Variants in LAMC2 observed in about 807,000 individuals in gnomAD.
The protein encoded by LAMC2 is laminin subunit gamma-2.
In LAMC2, 97 loss-of-function variants were observed where a neutral mutation model predicts 140.2. The observed-to-expected ratio is 0.69, with a 90% CI of 0.59 to 0.82. The LOEUF is 0.82. Ranked by LOEUF, LAMC2 falls within the 40% of genes least tolerant of loss-of-function variation. The pLI is 0.00. For missense variants in LAMC2, 1,402 were observed against 1,476.1 expected (o/e 0.95, Z 0.82); for synonymous variants, 513 against 540.2 (o/e 0.95, Z 0.70).
At chr1:183,215,317 T>C in intron 2 of LAMC2, 136 bp from the exon 3 acceptor site, 1 of 931,838 alleles carries the variant, frequency 1.1e-6, no homozygotes, top group Non-Finnish European at 1.7e-6. Flanking sequence ...CGATGTGAAG[T>C]GACTGTTAAA....
At chr1:183,235,341 A>G (rs928747423) in intron 15 of LAMC2, among the ~76,000 whole-genome samples, 1 of 152,188 alleles carries the variant, frequency 6.6e-6, no homozygotes, top group Admixed American at 6.5e-5. Context: ...CCGGGACTCC[A>G]GTGATTATGC....
chr1:183,201,378 C>T (rs1447044362), intron 1 of LAMC2, among the ~76,000 whole-genome samples: 3 of 152,014 alleles, frequency 2.0e-5, no homozygotes, highest in Non-Finnish European at 4.4e-5. Flanking sequence ...CACACAAATC[C>T]TTGCATGAGC....
chr1:183,238,176 G>A, intron 18 of LAMC2, 131 bp from the exon 19 acceptor site: 1 of 702,930 alleles, frequency 1.4e-6, no homozygotes, highest in South Asian at 1.6e-5. Flanking sequence ...GATTGTAGAG[G>A]GGTTTGCTAC....
chr1:183,228,580 G>A lies in LAMC2; in HGVS notation c.1675G>A (p.Gly559Arg), dbSNP rs555090268. 1.6e-5 allele frequency: 26 copies of A among 1,613,992 alleles called. No homozygotes were observed. The highest frequency in any genetic ancestry group is 4.0e-5 in the African/African-American group (3 of 74,972). The change falls in exon 11 of 23, where the codon GGG becomes AGG. Residue 559 changes from glycine to arginine, a missense_variant. Gly to Arg is a moderately radical substitution (Grantham distance 125). Around this residue, in one of 3 missense-constraint regions of LAMC2, gnomAD observed 723 missense variants for 783.3 expected, o/e 0.92. Transcript: ENST00000264144. The surrounding 1 kb of genome is among the most constrained non-coding windows in gnomAD (Gnocchi z 4.3). Reference sequence around the variant, plus strand: ...CGACCAGTGCAAAGCAGGCTACTTCGGGGACCCATTGGCTCCCAACCCAGC... The same window carrying A: ...CGACCAGTGCAAAGCAGGCTACTTCAGGGACCCATTGGCTCCCAACCCAGC... ...YCDQCKAGYFGDPLAPNPADK... is the reference protein window; with the variant it reads ...YCDQCKAGYFRDPLAPNPADK...
At position 183,236,524 on chromosome 1, in the gene LAMC2, G is replaced by A. The variant is rs1360321105; in HGVS notation, c.2521G>A (p.Ala841Thr). 1 of 1,614,058 alleles carries A rather than the reference G, an allele frequency of 6.2e-7. No individual in the cohort carries two copies. Among genetic ancestry groups the A allele is most frequent in the Middle Eastern group, 1.7e-4 (1 of 6,056 alleles). ...GGAGGCCACTCAAGCGGAAATTGAA[G>A]CAGATAGGTCTTATCAGCACAGTCT... The part of the protein sequence containing the change: ...TREATQAEIE[A>T]DRSYQHSLRL... Residue 841 changes from alanine to threonine, a missense_variant, in exon 17 of 23, where the codon GCA (alanine) becomes ACA (threonine). Transcript: ENST00000264144.
rs1044285922 is a variant in LAMC2 at position 183,208,986 on chromosome 1, T to G, written c.268+917T>G. On this transcript the variant is annotated intron_variant, in intron 2 of 22. Transcript: ENST00000264144. ...GAGCCACCGCGCCTGGCTAGTTGTT[T>G]TTTTTTTTTTTTTTAAAGTATCCCA... is the stretch of plus-strand genomic sequence containing the variant. Among the ~76,000 whole-genome samples the G allele has an allele frequency of 2.8e-5, 4 of 140,870 alleles. No homozygotes were observed. The South Asian group carries it at 7.9e-4, about 28-fold the overall frequency. 92.4% of individuals were successfully genotyped at this position (140,870 alleles called of 152,430 possible).
rs1571529730 is a variant in LAMC2, at chr1:183,227,385, G to C, written c.1286-130G>C. On this transcript the variant is annotated intron_variant, in intron 9 of 22. Coordinates refer to ENST00000264144, the MANE Select transcript of LAMC2 (RefSeq NM_005562.3). Reference sequence around the variant, plus strand: ...GGTTCTATGGGAGGGGTGAATGCCAGTGCTCAGGCACTTTGGGGAAGGCTT... The same window carrying C: ...GGTTCTATGGGAGGGGTGAATGCCACTGCTCAGGCACTTTGGGGAAGGCTT... The C allele has an allele frequency of 1.8e-5, 16 of 911,516 alleles. No individual in the cohort carries two copies. In the East Asian group the frequency reaches 3.8e-4, roughly 22 times the overall value. The allele number at this position is 911,516 out of a possible 1,614,324, so 56.5% of individuals were successfully genotyped here.
At chr1:183,253,947 G>GTGTGTA in the LAMC2 span, among the ~76,000 whole-genome samples, 9 of 148,866 alleles carry the variant, frequency 6.0e-5, no homozygotes, top group Admixed American at 4.7e-4. Context: ...GTGTGTGTAT[G>GTGTGTA]TGTGTGTGTA....
chr1:183,213,863 C>T (rs923782673), intron 2 of LAMC2, among the ~76,000 whole-genome samples: 2 of 150,980 alleles, frequency 1.3e-5, no homozygotes, highest in African/African-American at 4.9e-5. Flanking sequence ...ATTGGGAGTT[C>T]GAGACCAGCC....
At chr1:183,238,186 C>A in intron 18 of LAMC2, 121 bp from the exon 19 acceptor site, 1 of 743,252 alleles carries the variant, frequency 1.3e-6, no homozygotes, top group Non-Finnish European at 2.4e-6. Context: ...GGGTTTGCTA[C>A]AGCACCCCTA....
intron 20 of LAMC2, 60 bp downstream of exon 20, chr1:183,239,623 A>G (rs1660069352): frequency 2.1e-6 from 3 of 1,435,390 alleles, no homozygotes; most frequent in Middle Eastern, 4.7e-4. Flanking sequence ...GGTGGTGTGG[A>G]GGGAAAAAGA....
intron 2 of LAMC2, among the ~76,000 whole-genome samples, chr1:183,215,147 T>C (rs1368287216): frequency 6.6e-6 from 1 of 152,194 alleles, no homozygotes; most frequent in Non-Finnish European, 1.5e-5. Context: ...TTCCTTGAGA[T>C]CTTAAAGATT....
At chr1:183,252,809 G>A in the LAMC2 span, 2 of 1,159,040 alleles carry the variant, frequency 1.7e-6, no homozygotes, top group African/African-American at 3.0e-5. Context: ...GGACTGGCAT[G>A]CCCCTGTCTC....
intron 1 of LAMC2, among the ~76,000 whole-genome samples, chr1:183,190,155 C>G (rs1217567009): frequency 1.3e-5 from 2 of 152,162 alleles, no homozygotes; most frequent in African/African-American, 4.8e-5. Flanking sequence ...TGTTACTTAG[C>G]TCCTACATCT....
At chr1:183,201,187 A>G (rs1055608745) in intron 1 of LAMC2, among the ~76,000 whole-genome samples, 2 of 152,204 alleles carry the variant, frequency 1.3e-5, no homozygotes, top group African/African-American at 4.8e-5. Context: ...AGTCAAAGGA[A>G]TGATGGATGG....
Position 183,223,237 on chromosome 1 carries a change from T to A in LAMC2, c.866T>A (p.Leu289Gln). The A allele has an allele frequency of 6.2e-7, 1 of 1,614,244 alleles. No individual in the cohort carries two copies. The highest frequency in any genetic ancestry group is 8.5e-7 in the Non-Finnish European group (1 of 1,180,044). Residue 289 changes from leucine (L) to glutamine (Q), a missense_variant, in exon 7 of 23, where the codon CTG becomes CAG. By Grantham distance (113) the Leu-to-Gln change is moderately radical. Around this residue, in one of 3 missense-constraint regions of LAMC2, gnomAD observed 723 missense variants for 783.3 expected, o/e 0.92. Coordinates refer to ENST00000264144, the MANE Select transcript of LAMC2 (RefSeq NM_005562.3). ...CACCCATCTGCCCATGATGTGATTCTGGAAGGTGCTGGTCTACGGATCACA... is the reference window on the plus strand; with the variant it reads ...CACCCATCTGCCCATGATGTGATTCAGGAAGGTGCTGGTCTACGGATCACA... ...GRHPSAHDVI[L>Q]EGAGLRITAP...
intron 9 of LAMC2, among the ~76,000 whole-genome samples, chr1:183,227,136 G>C (rs1659651295): frequency 6.6e-6 from 1 of 152,198 alleles, no homozygotes; most frequent in Non-Finnish European, 1.5e-5. Context: ...TACAGGAAAT[G>C]GTCGTCATGG....
Position 183,236,317 on chromosome 1 carries a change from A to C in LAMC2, c.2457-143A>C. ...ATTGGGAGGATTGCTTGAGCGTGGG[A>C]GGATGAGGCTATAGTGAGCTGTGAT... On this transcript the variant is annotated intron_variant, in intron 16 of 22. Coordinates refer to ENST00000264144, the MANE Select transcript of LAMC2 (RefSeq NM_005562.3). 10 of 738,816 alleles carry C rather than the reference A, an allele frequency of 1.4e-5. No individual in the cohort carries two copies. In the South Asian group the frequency reaches 1.5e-4, roughly 11 times the overall value. The allele number at this position is 738,816 out of a possible 1,614,324, so 45.8% of individuals were successfully genotyped here. A position where few individuals can be genotyped will look rare whatever the true frequency, so the allele number is the denominator to read the frequency against.
chr1:183,245,792 G>A (rs10429830), downstream of LAMC2, among the ~76,000 whole-genome samples: 15,591 of 152,242 alleles, frequency 0.1, 940 homozygotes, highest in East Asian at 0.2. Flanking sequence ...ACATGTTCTA[G>A]GAAACTTGGT....
Sources: gnomAD v4.1 joint callset for allele counts (sites outside exome capture counted in the v4.1 genomes callset) on GRCh38, gnomAD v4.1.1 for gene constraint, gnomAD v4.1.1 regional missense constraint, Gnocchi (gnomAD v3.1) non-coding constraint, MANE v1.5 for transcripts, NCBI Gene and HGNC (gene_info 2026-07-23, HGNC 2026-07-21) for gene names.